Variants in ELFN2 observed in about 807,000 individuals in gnomAD.
ELFN2 encodes extracellular leucine rich repeat and fibronectin type III domain containing 2.
Under a neutral mutation model 45.5 loss-of-function variants are expected in ELFN2, and 17 were observed. The ratio of observed to expected loss-of-function variants is 0.37; its 90% confidence interval spans 0.26 to 0.56. The LOEUF (loss-of-function observed/expected upper bound fraction) is 0.56. Ranked by LOEUF, ELFN2 falls within the 20% of genes least tolerant of loss-of-function variation. ELFN2 has a pLI of 0.77. For synonymous variants in ELFN2, 550 were observed against 551.5 expected (o/e 1.00, Z 0.04); for missense variants, 922 against 1,183.2 (o/e 0.78, Z 3.24).
In ELFN2 at chr22:37,374,497, C is replaced by T; in HGVS notation, c.1038G>A (p.Val346=). 1 of 1,614,262 alleles carries T rather than the reference C, an allele frequency of 6.2e-7. No individual in the cohort carries two copies. The highest frequency in any genetic ancestry group is 2.2e-5 in the East Asian group (1 of 44,894). ...VMTLKNKKEI[V]TLDKLRAHTE... is the part of the protein sequence containing the mutation. ...TGTGCGCCCGCAGTTTGTCCAGCGT[C>T]ACGATCTCCTTCTTGTTCTTGAGGG... Residue 346 remains valine, a synonymous_variant, in exon 3 of 3, where the codon GTG becomes GTA. Transcript: ENST00000402918.
At chr22:37,362,486 G>A (rs1045699789) in intron 1 of ELFN2, among the ~76,000 whole-genome samples, 3 of 152,220 alleles carry the variant, frequency 2.0e-5, no homozygotes, top group African/African-American at 7.2e-5. Flanking sequence ...AGATGCAGGG[G>A]TTGACAGGGC....
rs572435588 is a variant in ELFN2 at position 37,374,454 on chromosome 22, C to A, written c.1081G>T (p.Val361Leu). ...LRAHTEYTFC[V>L]TSLRNSRRFN... ...CGGCGGCTGTTGCGCAGCGAGGTCA[C>A]GCAGAAGGTGTACTCAGTGTGCGCC... The change falls in exon 3 of 3, where the codon GTG (valine) becomes TTG (leucine). Residue 361 changes from valine (V) to leucine (L), a missense_variant. Val to Leu is a conservative substitution (Grantham distance 32). Coordinates refer to ENST00000402918, the MANE Select transcript of ELFN2 (RefSeq NM_052906.5). The A allele has an allele frequency of 1.9e-6, 3 of 1,614,138 alleles. No homozygotes were observed. Among genetic ancestry groups the A allele is most frequent in the East Asian group, 4.5e-5 (2 of 44,886 alleles).
intron 2 of ELFN2, among the ~76,000 whole-genome samples, chr22:37,392,004 AAGG>A (rs1317876130): frequency 1.2e-4 from 18 of 152,212 alleles, no homozygotes; most frequent in African/African-American, 4.1e-4. Flanking sequence ...CACCTGCTGC[AAGG>A]AGGAGGAAAA....
At chr22:37,359,835 C>T (rs1931039033) in intron 1 of ELFN2, among the ~76,000 whole-genome samples, 1 of 152,236 alleles carries the variant, frequency 6.6e-6, no homozygotes, top group Non-Finnish European at 1.5e-5. Context: ...GATAGTGTTA[C>T]AGCTCTGTGA....
chr22:37,385,953 C>G (rs965058108), intron 2 of ELFN2, among the ~76,000 whole-genome samples: 3 of 152,180 alleles, frequency 2.0e-5, no homozygotes, highest in Non-Finnish European at 4.4e-5. Flanking sequence ...GTCACCAATT[C>G]TACAGGACTT....
At chr22:37,385,770 C>T (rs1005166271) in intron 2 of ELFN2, among the ~76,000 whole-genome samples, 1 of 152,192 alleles carries the variant, frequency 6.6e-6, no homozygotes, top group Non-Finnish European at 1.5e-5. Flanking sequence ...CTCGAGCCCC[C>T]CTCCCCTATC....
At position 37,372,590 on chromosome 22, in the gene ELFN2, T is replaced by A. The variant is rs1318763925; in HGVS notation, c.*482A>T. ...TAAAGTGGAAGGAGACATTGCCCGA[T>A]GTCTAATGCTAAATCTGCAGGTGAC... On this transcript the variant is annotated 3_prime_UTR_variant, in exon 3 of 3. Coordinates refer to ENST00000402918, the MANE Select transcript of ELFN2 (RefSeq NM_052906.5). This position sits in a 1 kb window ranked among gnomAD's most constrained non-coding sequence, Gnocchi z 4.4. 1 of 153,344 alleles carries A rather than the reference T, an allele frequency of 6.5e-6. No individual in the cohort carries two copies. The highest frequency in any genetic ancestry group is 2.7e-3 in the Middle Eastern group (1 of 372). The allele number at this position is 153,344 out of a possible 1,614,324, so 9.5% of individuals were successfully genotyped here. A position where few individuals can be genotyped will look rare whatever the true frequency, so the allele number is the denominator to read the frequency against.
chr22:37,405,323 C>T (rs368662675), intron 2 of ELFN2, among the ~76,000 whole-genome samples: 3 of 151,894 alleles, frequency 2.0e-5, no homozygotes, highest in South Asian at 4.2e-4. Context: ...GAACCTCTGA[C>T]GTCAGGTGAT....
At chr22:37,392,188 A>C (rs897937583) in intron 2 of ELFN2, among the ~76,000 whole-genome samples, 1 of 152,174 alleles carries the variant, frequency 6.6e-6, no homozygotes, top group Non-Finnish European at 1.5e-5. Context: ...GTCTCTAAAA[A>C]GGCTCACCTG....
chr22:37,384,394 G>C (rs1275866514), intron 2 of ELFN2, among the ~76,000 whole-genome samples: 2 of 148,876 alleles, frequency 1.3e-5, no homozygotes, highest in African/African-American at 5.0e-5. Context: ...AATCCTCCAA[G>C]CTACTCAGGA....
intron 1 of ELFN2, among the ~76,000 whole-genome samples, chr22:37,425,538 G>A (rs1398131756): frequency 1.3e-5 from 2 of 151,990 alleles, no homozygotes; most frequent in Non-Finnish European, 1.5e-5. Flanking sequence ...CTGGCTGGGG[G>A]GAGCAACCTC....
chr22:37,372,798 T>A lies in ELFN2; in HGVS notation c.*274A>T. 1 of 287,388 alleles carries A rather than the reference T, an allele frequency of 3.5e-6. No homozygotes were observed. Among genetic ancestry groups the A allele is most frequent in the Non-Finnish European group, 6.5e-6 (1 of 153,872 alleles). 17.8% of individuals were successfully genotyped at this position (287,388 alleles called of 1,614,324 possible). A position where few individuals can be genotyped will look rare whatever the true frequency, so the allele number is the denominator to read the frequency against. On this transcript the variant is annotated 3_prime_UTR_variant, in exon 3 of 3. Coordinates refer to ENST00000402918, the MANE Select transcript of ELFN2 (RefSeq NM_052906.5). The surrounding 1 kb of genome is among the most constrained non-coding windows in gnomAD (Gnocchi z 4.4). ...GCCCTGCACACCCCAGCAGAGTCCC[T>A]GGGCAGCACAGTAAAGACGACTGGT...
In ELFN2 at chr22:37,350,894, T is replaced by C. The variant is rs989094212; in HGVS notation, n.149-8191A>G. On this transcript the variant is annotated intron_variant and non_coding_transcript_variant, in intron 1 of 2. Coordinates refer to ENST00000452946, the Ensembl canonical transcript of ELFN2. ...TCCCCTCTCAGGACTCCTCCACCCT[T>C]ACCCCCTGACCCATTCCATCTCCTT... 9.3e-5 allele frequency among the ~76,000 whole-genome samples: 14 copies of C among 150,400 alleles called. 2 individuals are homozygous for C. The highest frequency in any genetic ancestry group is 9.2e-4 in the Admixed American group (14 of 15,158).
At chr22:37,423,238 G>A (rs1231493954) in intron 1 of ELFN2, among the ~76,000 whole-genome samples, 1 of 152,180 alleles carries the variant, frequency 6.6e-6, no homozygotes, top group Non-Finnish European at 1.5e-5. Flanking sequence ...ATGGGATGGG[G>A]GGTTGAGATG....
At chr22:37,352,096 T>C (rs1930835137) in intron 1 of ELFN2, 1 of 150,968 alleles carries the variant, frequency 6.6e-6, no homozygotes, top group African/African-American at 2.4e-5. Context: ...AAGTGAAAGG[T>C]ACACGCTCCT....
At chr22:37,362,325 A>G (rs2145622884) in intron 1 of ELFN2, among the ~76,000 whole-genome samples, 1 of 152,274 alleles carries the variant, frequency 6.6e-6, no homozygotes, top group Non-Finnish European at 1.5e-5. Context: ...GCCAGACGTA[A>G]CCTCTTCTTC....
chr22:37,394,391 G>A (rs1932157148), intron 2 of ELFN2, among the ~76,000 whole-genome samples: 2 of 152,094 alleles, frequency 1.3e-5, no homozygotes, highest in Admixed American at 6.5e-5. Flanking sequence ...CCTTTCAGCC[G>A]CTTCCACAGT....
chr22:37,375,570 AG>A lies in ELFN2; in HGVS notation c.-37del. 1 of 1,501,920 alleles carries A rather than the reference AG, an allele frequency of 6.7e-7. No individual in the cohort carries two copies. Among genetic ancestry groups the A allele is most frequent in the Non-Finnish European group, 8.9e-7 (1 of 1,125,100 alleles). 93.0% of individuals were successfully genotyped at this position (1,501,920 alleles called of 1,614,324 possible). A position where few individuals can be genotyped will look rare whatever the true frequency, so the allele number is the denominator to read the frequency against. ...TCGGAGTGAGGGGCCAGGGCAAGGC[AG>A]GGGGTGCCTAGCGGCCAGAGGCTGG... On this transcript the variant is annotated 5_prime_UTR_variant, in exon 3 of 3. Coordinates refer to ENST00000402918, the MANE Select transcript of ELFN2 (RefSeq NM_052906.5).
intron 2 of ELFN2, among the ~76,000 whole-genome samples, chr22:37,415,549 CA>C (rs1932751578): frequency 6.6e-6 from 1 of 152,238 alleles, no homozygotes; most frequent in Non-Finnish European, 1.5e-5. Flanking sequence ...CTGTTACCAC[CA>C]ACTCAGGACC....
Sources: gnomAD v4.1 joint callset for allele counts (sites outside exome capture counted in the v4.1 genomes callset) on GRCh38, gnomAD v4.1.1 for gene constraint, Gnocchi (gnomAD v3.1) non-coding constraint, MANE v1.5 for transcripts, NCBI Gene and HGNC (gene_info 2026-07-23, HGNC 2026-07-21) for gene names.